The following CTBP1 variants were observed in gnomAD, a reference collection of about 807,000 sequenced individuals.
CTBP1 encodes the protein C-terminal binding protein 1.
A neutral mutation model predicts 42.1 loss-of-function variants in CTBP1; 11 were observed. The observed-to-expected ratio is 0.26, with a 90% CI of 0.16 to 0.43. CTBP1 has a LOEUF of 0.43. CTBP1 is among the 20% of genes least tolerant of loss of function. The probability of loss-of-function intolerance (pLI) is 1.00; values close to 1 mark genes in which losing one functional copy is unlikely to be tolerated. For synonymous variants in CTBP1, 324 were observed against 277.1 expected, an observed-to-expected ratio of 1.17 and a Z score of -1.68; for missense variants, 399 against 624.3, an observed-to-expected ratio of 0.64 and a Z score of 3.85.
At chr4:1,222,208 C>T (rs560247525) in intron 5 of CTBP1, among the ~76,000 whole-genome samples, 1 of 152,068 alleles carries the variant, frequency 6.6e-6, no homozygotes, top group East Asian at 1.9e-4. Context: ...GGGCGAGGGG[C>T]GGGGCGGGGG....
chr4:1,240,865 T>A (rs575344637), intron 2 of CTBP1, among the ~76,000 whole-genome samples: 1 of 152,172 alleles, frequency 6.6e-6, no homozygotes, highest in East Asian at 1.9e-4. Context: ...CTTTGCAGCA[T>A]CCCCCAAGCC....
rs1271593874 is a variant in CTBP1, at chr4:1,212,273, C to T, written c.1257G>A (p.Glu419=). 5.3e-6 allele frequency: 8 copies of T among 1,517,484 alleles called. No individual in the cohort carries two copies. The highest frequency in any genetic ancestry group is 1.8e-4 in the Middle Eastern group (1 of 5,432). 94.0% of individuals were successfully genotyped at this position (1,517,484 alleles called of 1,614,324 possible). A position where few individuals can be genotyped will look rare whatever the true frequency, so the allele number is the denominator to read the frequency against. Residue 419 remains glutamate, a synonymous_variant, in exon 10 of 10, where the codon GAG becomes GAA. Coordinates refer to ENST00000382952, the MANE Select transcript of CTBP1 (RefSeq NM_001012614.2). ...GGTCACTGGCGTGGTCTCTATCCGC[C>T]TCGGGCTTGACGGTTTGGCCAGGAG... is the stretch of plus-strand genomic sequence containing the variant. ...APSPGQTVKP[E]ADRDHASDQL is the part of the protein sequence containing the mutation.
intron 5 of CTBP1, among the ~76,000 whole-genome samples, chr4:1,224,181 A>G (rs983386518): frequency 2.6e-5 from 4 of 152,202 alleles, no homozygotes; most frequent in Admixed American, 1.3e-4. Flanking sequence ...GTACGTGCCC[A>G]TGACTGACAT....
chr4:1,225,590 T>A, intron 4 of CTBP1, 24 bp from the exon 5 acceptor site: 3 of 1,533,548 alleles, frequency 2.0e-6, no homozygotes, highest in Non-Finnish European at 2.6e-6. Context: ...GACACGGCGG[T>A]CACCCCCGGG....
At position 1,241,448 on chromosome 4, in the gene CTBP1, T is replaced by A. The variant is rs771218126; in HGVS notation, c.-117A>T. On this transcript the variant is annotated 5_prime_UTR_variant, in exon 2 of 10. Transcript: ENST00000382952. ...CGGAGCCTCATCCCACGTCCTTAAT[T>A]GTCTCGAGCCAAAGTGCTCAGGCTT... 2.9e-5 allele frequency: 46 copies of A among 1,584,306 alleles called. 1 individual carries two copies. The South Asian group carries it at 5.0e-4, about 17-fold the overall frequency.
chr4:1,211,985 A>T lies in CTBP1; in HGVS notation c.*255T>A. ...GTAATGTTCTAAAAACTGTACACAGACAAGAACGTTCATGGGAGAATAACT... is the reference window on the plus strand; with the variant it reads ...GTAATGTTCTAAAAACTGTACACAGTCAAGAACGTTCATGGGAGAATAACT... On this transcript the variant is annotated 3_prime_UTR_variant, in exon 10 of 10. Coordinates refer to ENST00000382952, the MANE Select transcript of CTBP1 (RefSeq NM_001012614.2). The T allele has an allele frequency of 2.8e-6, 1 of 360,458 alleles. No homozygotes were observed. 22.3% of individuals were successfully genotyped at this position (360,458 alleles called of 1,614,324 possible).
In CTBP1 at chr4:1,213,667, G is replaced by T. The variant is rs531578077; in HGVS notation, c.861-62C>A. 2.5e-5 allele frequency: 39 copies of T among 1,570,848 alleles called. 1 individual carries two copies. The highest frequency in any genetic ancestry group is 3.8e-4 in the Middle Eastern group (2 of 5,326). Reference sequence around the variant, plus strand: ...TGCTGTGGCTGGGTACGGAGGGGAGGTGGCTGGGCACTGGAACCCCCTGTG... The same window carrying T: ...TGCTGTGGCTGGGTACGGAGGGGAGTTGGCTGGGCACTGGAACCCCCTGTG... On this transcript the variant is annotated intron_variant, in intron 7 of 9. Coordinates refer to ENST00000382952, the MANE Select transcript of CTBP1 (RefSeq NM_001012614.2).
chr4:1,241,995 G>A (rs1577076212), intron 1 of CTBP1: 8 of 1,002,510 alleles, frequency 8.0e-6, no homozygotes, highest in Non-Finnish European at 9.5e-6. Context: ...GGAGCCACCG[G>A]GAGAGGTGCT....
chr4:1,215,455 C>T (rs1179400512), intron 6 of CTBP1: 1 of 202,458 alleles, frequency 4.9e-6, no homozygotes, highest in African/African-American at 2.3e-5. Flanking sequence ...GCAGCCATCC[C>T]CAGCTCCACC....
chr4:1,229,071 G>A (rs1560257233), intron 3 of CTBP1, among the ~76,000 whole-genome samples: 1 of 152,212 alleles, frequency 6.6e-6, no homozygotes, highest in Non-Finnish European at 1.5e-5. Context: ...CAGCACAGCA[G>A]CCCAACCCTG....
chr4:1,243,910 A>T, intron 1 of CTBP1: 1 of 985,448 alleles, frequency 1.0e-6, no homozygotes. Context: ...CAGACGCTTA[A>T]CCTCATGTTG....
chr4:1,241,003 C>T (rs1202217048), intron 2 of CTBP1, among the ~76,000 whole-genome samples: 2 of 152,212 alleles, frequency 1.3e-5, no homozygotes, highest in Admixed American at 6.5e-5. Flanking sequence ...TCCAGGGTTC[C>T]GTGTGGGGCT....
chr4:1,246,055 G>C (rs1228334224), intron 1 of CTBP1, among the ~76,000 whole-genome samples: 9 of 152,198 alleles, frequency 5.9e-5, no homozygotes, highest in Non-Finnish European at 1.3e-4. Context: ...ATTTCCTTGT[G>C]GGAGATACCA....
intron 5 of CTBP1, among the ~76,000 whole-genome samples, chr4:1,222,833 C>T (rs1729903154): frequency 6.6e-6 from 1 of 152,164 alleles, no homozygotes; most frequent in African/African-American, 2.4e-5. Context: ...ACCACAGACC[C>T]CGACCCCAGG....
chr4:1,213,106 C>T (rs1304422790), intron 8 of CTBP1, 76 bp from the exon 9 acceptor site: 15 of 1,240,378 alleles, frequency 1.2e-5, no homozygotes, highest in East Asian at 2.3e-5. Context: ...GTTGAAGACA[C>T]GGGCAGCAGG....
intron 1 of CTBP1, among the ~76,000 whole-genome samples, chr4:1,247,769 G>GT (rs112011861): frequency 3.8e-5 from 5 of 131,928 alleles, no homozygotes; most frequent in Non-Finnish European, 5.1e-5. Context: ...GGCCGGGGAG[G>GT]GGGGGGGGGC....
Position 1,214,478 on chromosome 4 carries a change from AAGACAT to A in CTBP1, c.730-11_730-6del. 6.3e-7 allele frequency: 1 copy of A among 1,582,792 alleles called. No individual in the cohort carries two copies. The highest frequency in any genetic ancestry group is 8.6e-7 in the Non-Finnish European group (1 of 1,168,016). On this transcript the variant is annotated splice_polypyrimidine_tract_variant and splice_region_variant and intron_variant, in intron 6 of 9. Transcript: ENST00000382952. ...CAGGAAGGCCCCTTGTCTCATCTAG[AAGACAT>A]AAGGACAGGCCAGGCCCAGTCAGGG...
chr4:1,214,485 A>AAGGAC lies in CTBP1; in HGVS notation c.730-17_730-13dup, dbSNP rs1319726831. Reference sequence around the variant, plus strand: ...GCCCCTTGTCTCATCTAGAAGACATAAGGACAGGCCAGGCCCAGTCAGGGA... The same window carrying AAGGAC: ...GCCCCTTGTCTCATCTAGAAGACATAAGGACAGGACAGGCCAGGCCCAGTCAGGGA... On this transcript the variant is annotated splice_polypyrimidine_tract_variant and intron_variant, in intron 6 of 9. Coordinates refer to ENST00000382952, the MANE Select transcript of CTBP1 (RefSeq NM_001012614.2). The AAGGAC allele has an allele frequency of 6.3e-7, 1 of 1,574,862 alleles. No homozygotes were observed. Among genetic ancestry groups the AAGGAC allele is most frequent in the Non-Finnish European group, 8.6e-7 (1 of 1,165,142 alleles).
intron 1 of CTBP1, chr4:1,242,168 G>A (rs369869494): frequency 9.1e-6 from 9 of 985,308 alleles, no homozygotes; most frequent in African/African-American, 5.2e-5. Context: ...CTGAGGGCAC[G>A]AACCCCAGTG....
Sources: gnomAD v4.1 joint callset for allele counts (sites outside exome capture counted in the v4.1 genomes callset) on GRCh38, gnomAD v4.1.1 for gene constraint, MANE v1.5 for transcripts, NCBI Gene and HGNC (gene_info 2026-07-23, HGNC 2026-07-21) for gene names.